AFG1L: variants seen among roughly 807,000 people sequenced by gnomAD.
The protein encoded by AFG1L is AFG1 like ATPase, also known as AFG1-like ATPase.
A neutral mutation model predicts 62.2 loss-of-function variants in AFG1L; 53 were observed. The observed-to-expected ratio is 0.85, with a 90% CI of 0.68 to 1.07. AFG1L has a LOEUF of 1.07. Ranked by LOEUF, AFG1L falls within the 50% of genes least tolerant of loss-of-function variation. AFG1L has a pLI of 0.00. For missense variants in AFG1L, 555 were observed against 590.5 expected (o/e 0.94, Z 0.62); for synonymous variants, 228 against 210.3 (o/e 1.08, Z -0.73).
chr6:108,300,679 T>TC (rs1446478169), intron 1 of AFG1L, among the ~76,000 whole-genome samples: 1 of 151,878 alleles, frequency 6.6e-6, no homozygotes, highest in East Asian at 1.9e-4. Flanking sequence ...AACTTACTTT[T>TC]TTTTTTTTTT....
intron 1 of AFG1L, among the ~76,000 whole-genome samples, chr6:108,319,395 C>T (rs1777727547): frequency 6.6e-6 from 1 of 151,940 alleles, no homozygotes; most frequent in African/African-American, 2.4e-5. Flanking sequence ...TAGTAGTAAT[C>T]CCTATAGGAC....
chr6:108,439,226 A>G (rs1193400015), intron 7 of AFG1L, among the ~76,000 whole-genome samples: 1 of 152,196 alleles, frequency 6.6e-6, no homozygotes, highest in Non-Finnish European at 1.5e-5. Flanking sequence ...AACTTGAACA[A>G]ATATCTGATT....
At chr6:108,456,743 C>T (rs1163444411) in intron 8 of AFG1L, among the ~76,000 whole-genome samples, 1 of 152,100 alleles carries the variant, frequency 6.6e-6, no homozygotes, top group South Asian at 2.1e-4. Flanking sequence ...TATAATCATG[C>T]ACCGCATAGT....
At chr6:108,508,766 G>A (rs1774522071) in intron 10 of AFG1L, among the ~76,000 whole-genome samples, 1 of 152,186 alleles carries the variant, frequency 6.6e-6, no homozygotes. Context: ...ATGGACAAAG[G>A]TGAGAATGAC....
intron 6 of AFG1L, among the ~76,000 whole-genome samples, chr6:108,378,842 A>G (rs1780365795): frequency 6.7e-6 from 1 of 149,746 alleles, no homozygotes; most frequent in African/African-American, 2.5e-5. Context: ...TTTCCCTGTA[A>G]TGTTGTTGTT....
chr6:108,349,725 G>A (rs989751607), intron 3 of AFG1L, among the ~76,000 whole-genome samples: 1 of 151,958 alleles, frequency 6.6e-6, no homozygotes, highest in African/African-American at 2.4e-5. Context: ...AGACTAGCCT[G>A]GACAACTAGG....
intron 1 of AFG1L, among the ~76,000 whole-genome samples, chr6:108,296,456 T>C (rs565029146): frequency 6.6e-6 from 1 of 152,292 alleles, no homozygotes; most frequent in South Asian, 2.1e-4. Flanking sequence ...ATCCCTTAGC[T>C]GCTTAGTTTT....
intron 1 of AFG1L, among the ~76,000 whole-genome samples, chr6:108,301,587 T>C (rs1246845960): frequency 6.6e-6 from 1 of 152,238 alleles, no homozygotes; most frequent in Admixed American, 6.5e-5. Flanking sequence ...AAAGGTGATA[T>C]CTAGAAGATT....
At position 108,415,123 on chromosome 6, in the gene AFG1L, A is replaced by G. The variant is rs183357859; in HGVS notation, c.807+13069A>G. Among the ~76,000 whole-genome samples, 338 of 152,326 alleles carry G rather than the reference A, an allele frequency of 2.2e-3. 1 individual carries two copies. Among genetic ancestry groups the G allele is most frequent in the African/African-American group, 7.7e-3 (322 of 41,564 alleles). The stretch of plus-strand genomic sequence containing the variant: ...AAAATCACAGGCATTCCTCTACACC[A>G]ATAACAGACAAACAGAGAGCCAAAT... On this transcript the variant is annotated intron_variant, in intron 7 of 12. Transcript: ENST00000368977.
chr6:108,348,795 T>C (rs1003512733), intron 3 of AFG1L, among the ~76,000 whole-genome samples: 1 of 152,248 alleles, frequency 6.6e-6, no homozygotes, highest in African/African-American at 2.4e-5. Context: ...ACCTTCACTT[T>C]CATATTAAGT....
intron 6 of AFG1L, among the ~76,000 whole-genome samples, chr6:108,383,245 T>TA (rs1264671599): frequency 6.6e-6 from 1 of 152,072 alleles, no homozygotes; most frequent in Non-Finnish European, 1.5e-5. Context: ...CATAAATAAA[T>TA]AAATTAAATT....
chr6:108,456,453 A>G (rs1772255415), intron 8 of AFG1L, among the ~76,000 whole-genome samples: 2 of 152,234 alleles, frequency 1.3e-5, no homozygotes, highest in South Asian at 4.1e-4. Flanking sequence ...CTGGGTTTAA[A>G]TATACTATCT....
intron 7 of AFG1L, among the ~76,000 whole-genome samples, chr6:108,440,410 C>T (rs1771489872): frequency 6.6e-6 from 1 of 152,054 alleles, no homozygotes; most frequent in Non-Finnish European, 1.5e-5. Context: ...CTCAGGTGAT[C>T]TGCCTGTCTC....
intron 7 of AFG1L, among the ~76,000 whole-genome samples, chr6:108,433,174 G>T (rs1771148871): frequency 6.6e-6 from 1 of 152,102 alleles, no homozygotes; most frequent in African/African-American, 2.4e-5. Flanking sequence ...TATACCCCCA[G>T]ACTTTTCAGT....
At chr6:108,444,412 T>C (rs1333202960) in intron 7 of AFG1L, among the ~76,000 whole-genome samples, 1 of 152,220 alleles carries the variant, frequency 6.6e-6, no homozygotes, top group Admixed American at 6.5e-5. Context: ...TGCTAAAGGT[T>C]GGAGTGGCTG....
chr6:108,477,217 G>A lies in AFG1L; in HGVS notation c.987G>A (p.Val329=). 2 of 1,606,370 alleles carry A rather than the reference G, an allele frequency of 1.2e-6. No individual in the cohort carries two copies. Among genetic ancestry groups the A allele is most frequent in the East Asian group, 2.2e-5 (1 of 44,638 alleles). ...NDLTRPRILK[V]QGRELRLNKA... Reference sequence around the variant, plus strand: ...TAACTAGACCAAGGATTCTAAAAGTGCAAGGCAGAGAGCTGCGCCTGAATA... The same window carrying A: ...TAACTAGACCAAGGATTCTAAAAGTACAAGGCAGAGAGCTGCGCCTGAATA... Residue 329 remains valine (V), a synonymous_variant, in exon 10 of 13, where the codon GTG becomes GTA. Coordinates refer to ENST00000368977, the MANE Select transcript of AFG1L (RefSeq NM_145315.5).
At chr6:108,515,653 A>G (rs1354286909) in intron 11 of AFG1L, among the ~76,000 whole-genome samples, 3 of 152,238 alleles carry the variant, frequency 2.0e-5, no homozygotes, top group African/African-American at 7.2e-5. Context: ...CTAAGATCAG[A>G]ATAGAACGGA....
At chr6:108,362,736 G>A (rs947596352) in intron 5 of AFG1L, among the ~76,000 whole-genome samples, 1 of 152,128 alleles carries the variant, frequency 6.6e-6, no homozygotes, top group African/African-American at 2.4e-5. Flanking sequence ...TAATGCTCTT[G>A]TTTACCAGTA....
intron 10 of AFG1L, among the ~76,000 whole-genome samples, chr6:108,501,424 A>C (rs1031379500): frequency 6.6e-6 from 1 of 152,374 alleles, no homozygotes; most frequent in African/African-American, 2.4e-5. Context: ...TGTTAGGGCA[A>C]TGAAGGAAGC....
Sources: allele counts gnomAD v4.1 joint callset (sites outside exome capture counted in the v4.1 genomes callset), GRCh38; gene constraint gnomAD v4.1.1; transcripts MANE v1.5; gene names NCBI Gene and HGNC (gene_info 2026-07-23, HGNC 2026-07-21).